SLC4A4: variants seen among roughly 807,000 people sequenced by gnomAD.
SLC4A4 encodes the protein electrogenic sodium bicarbonate cotransporter 1.
A neutral mutation model predicts 111.5 loss-of-function variants in SLC4A4; 27 were observed. That is an observed-to-expected ratio of 0.24 (90% CI 0.18 to 0.33). The LOEUF (loss-of-function observed/expected upper bound fraction) is 0.33, where lower values mean the gene tolerates loss of function less well. Ranked by LOEUF, SLC4A4 falls within the 10% of genes least tolerant of loss-of-function variation. SLC4A4 has a pLI of 1.00. For missense variants in SLC4A4, 909 were observed against 1,315.5 expected (o/e 0.69, Z 4.78); for synonymous variants, 443 against 463.4 (o/e 0.96, Z 0.57).
At chr4:71,507,550 A>G (rs1349528487) in intron 16 of SLC4A4, among the ~76,000 whole-genome samples, 1 of 152,212 alleles carries the variant, frequency 6.6e-6, no homozygotes, top group African/African-American at 2.4e-5. Flanking sequence ...TAACTATCCT[A>G]AATAGAAATG....
At chr4:71,457,285 C>A (rs1429727358) in intron 12 of SLC4A4, among the ~76,000 whole-genome samples, 1 of 152,152 alleles carries the variant, frequency 6.6e-6, no homozygotes, top group Non-Finnish European at 1.5e-5. Context: ...GCTACAGTGA[C>A]TCTAAGTACA....
Position 71,555,227 on chromosome 4 carries a change from A to C in SLC4A4, c.2763+19A>C. The C allele has an allele frequency of 1.3e-6, 2 of 1,506,086 alleles. No individual in the cohort carries two copies. Among genetic ancestry groups the C allele is most frequent in the Non-Finnish European group, 1.8e-6 (2 of 1,082,100 alleles). The allele number at this position is 1,506,086 out of a possible 1,614,324, so 93.3% of individuals were successfully genotyped here. Reference sequence around the variant, plus strand: ...TGTGCAGGTAAGTTTTTGAATAGCAATGTAAGTACAGTAGTGTTTTTCTAG... The same window carrying C: ...TGTGCAGGTAAGTTTTTGAATAGCACTGTAAGTACAGTAGTGTTTTTCTAG... On this transcript the variant is annotated intron_variant, in intron 21 of 25. Coordinates refer to ENST00000264485, the MANE Select transcript of SLC4A4 (RefSeq NM_001098484.3).
Position 71,291,563 on chromosome 4 carries a change from C to T in SLC4A4, c.253+36164C>T, listed in dbSNP as rs191394451. On this transcript the variant is annotated intron_variant, in intron 3 of 25. Transcript: ENST00000264485. ...CCAGCAATCCTCTCGTCTCAGCCTCCCGATTAGCAAGGACTACAGGCATAC... is the reference window on the plus strand; with the variant it reads ...CCAGCAATCCTCTCGTCTCAGCCTCTCGATTAGCAAGGACTACAGGCATAC... Among the ~76,000 whole-genome samples, 1,056 of 152,092 alleles carry T rather than the reference C, an allele frequency of 6.9e-3. 6 individuals carry two copies. The highest frequency in any genetic ancestry group is 9.1e-3 in the Non-Finnish European group (621 of 67,998).
At chr4:71,434,146 A>T (rs1408172821) in intron 7 of SLC4A4, among the ~76,000 whole-genome samples, 1 of 152,018 alleles carries the variant, frequency 6.6e-6, no homozygotes, top group Non-Finnish European at 1.5e-5. Context: ...TGGAGTTGGG[A>T]TGTACTCAAC....
chr4:71,519,665 C>T (rs1371588740), intron 16 of SLC4A4, among the ~76,000 whole-genome samples: 5 of 151,976 alleles, frequency 3.3e-5, no homozygotes, highest in Non-Finnish European at 5.9e-5. Context: ...GACAGAGTCT[C>T]GCTCTGTTGC....
At chr4:71,129,233 T>A (rs921750157) in intron 2 of SLC4A4, among the ~76,000 whole-genome samples, 1 of 151,988 alleles carries the variant, frequency 6.6e-6, no homozygotes, top group Non-Finnish European at 1.5e-5. Flanking sequence ...AGGTCTAACA[T>A]CCAGAATCTG....
chr4:71,106,607 G>C (rs1244981857), intron 2 of SLC4A4, among the ~76,000 whole-genome samples: 1 of 145,886 alleles, frequency 6.9e-6, no homozygotes, highest in Non-Finnish European at 1.5e-5. Flanking sequence ...AAAATGATGA[G>C]TTCATGTCCT....
chr4:71,339,190 G>A, intron 3 of SLC4A4, 180 bp from the exon 4 acceptor site: 2 of 1,614,058 alleles, frequency 1.2e-6, no homozygotes, highest in South Asian at 2.2e-5. Context: ...AAGGAATAGA[G>A]AAGGGCTTTG....
At chr4:71,108,116 G>T (rs1742994387) in intron 2 of SLC4A4, among the ~76,000 whole-genome samples, 1 of 152,136 alleles carries the variant, frequency 6.6e-6, no homozygotes, top group African/African-American at 2.4e-5. Context: ...TTTACAGTGT[G>T]TGTCCCAAAA....
chr4:71,301,150 G>T, intron 3 of SLC4A4: 1 of 333,040 alleles, frequency 3.0e-6, no homozygotes, highest in South Asian at 2.7e-5. Flanking sequence ...CACCACACGT[G>T]GCAGTAGATA....
At chr4:71,355,759 G>A (rs937063468) in intron 5 of SLC4A4, among the ~76,000 whole-genome samples, 3 of 152,202 alleles carry the variant, frequency 2.0e-5, no homozygotes, top group South Asian at 2.1e-4. Context: ...AGCAAAACCC[G>A]TTGAACATCT....
At chr4:71,198,362 AG>A (rs1746101101) in intron 1 of SLC4A4, among the ~76,000 whole-genome samples, 1 of 152,196 alleles carries the variant, frequency 6.6e-6, no homozygotes, top group Admixed American at 6.5e-5. Flanking sequence ...ATCTCTTAAT[AG>A]GAATATTTAA....
At chr4:71,533,396 G>T (rs575366842) in intron 17 of SLC4A4, among the ~76,000 whole-genome samples, 6 of 152,090 alleles carry the variant, frequency 3.9e-5, no homozygotes, top group Non-Finnish European at 8.8e-5. Context: ...ACAGATGATG[G>T]GAATGTCCTC....
chr4:71,198,401 A>G (rs890835222), intron 1 of SLC4A4, among the ~76,000 whole-genome samples: 1 of 152,210 alleles, frequency 6.6e-6, no homozygotes, highest in Admixed American at 6.5e-5. Context: ...TTGTCCATGT[A>G]TCTGAACTTT....
At position 71,557,824 on chromosome 4, in the gene SLC4A4, T is replaced by C; in HGVS notation, c.2876T>C (p.Leu959Ser). 1 of 1,612,680 alleles carries C rather than the reference T, an allele frequency of 6.2e-7. No homozygotes were observed. Among genetic ancestry groups the C allele is most frequent in the African/African-American group, 1.3e-5 (1 of 74,934 alleles). ...CACCTGTTCACTTTCCTGCAGGTGT[T>C]GTGTCTGGCCCTGCTTTGGATCCTC... is the stretch of plus-strand genomic sequence containing the variant. Reference protein sequence around the residue: ...RVHLFTFLQVLCLALLWILKS... With the variant: ...RVHLFTFLQVSCLALLWILKS... Residue 959 changes from leucine to serine, a missense_variant, in exon 22 of 26, where the codon TTG becomes TCG. By Grantham distance (145) the Leu-to-Ser change is moderately radical. Coordinates refer to ENST00000264485, the MANE Select transcript of SLC4A4 (RefSeq NM_001098484.3).
chr4:71,106,395 C>A (rs946235075), intron 2 of SLC4A4, among the ~76,000 whole-genome samples: 43 of 150,022 alleles, frequency 2.9e-4, no homozygotes, highest in African/African-American at 8.1e-4. Flanking sequence ...ACTAGAAATA[C>A]CATTTGAGCC....
At position 71,523,508 on chromosome 4, in the gene SLC4A4, G is replaced by T. The variant is rs576827674; in HGVS notation, c.2167-8554G>T. On this transcript the variant is annotated intron_variant, in intron 16 of 25. Coordinates refer to ENST00000264485, the MANE Select transcript of SLC4A4 (RefSeq NM_001098484.3). ...CTGAATTGAGCCCCAAGAAAAATAGGTTGGGAGCAGTGATTGGCCAAAACA... is the reference window on the plus strand; with the variant it reads ...CTGAATTGAGCCCCAAGAAAAATAGTTTGGGAGCAGTGATTGGCCAAAACA... Among the ~76,000 whole-genome samples, 30 of 152,218 alleles carry T rather than the reference G, an allele frequency of 2.0e-4. No individual in the cohort carries two copies. In the East Asian group the frequency reaches 3.9e-3, roughly 20 times the overall value.
At chr4:71,143,479 G>A (rs960454995) in intron 2 of SLC4A4, among the ~76,000 whole-genome samples, 6 of 152,142 alleles carry the variant, frequency 3.9e-5, no homozygotes, top group Non-Finnish European at 7.3e-5. Context: ...TGGGATTGCT[G>A]GGTCAAATGG....
At chr4:71,516,090 T>C (rs1170550854) in intron 16 of SLC4A4, among the ~76,000 whole-genome samples, 4 of 75,370 alleles carry the variant, frequency 5.3e-5, no homozygotes, top group African/African-American at 2.2e-4. Context: ...CTTTTTTTTT[T>C]TTTTTTTTTT....
Sources: gnomAD v4.1 joint callset for allele counts (sites outside exome capture counted in the v4.1 genomes callset) on GRCh38, gnomAD v4.1.1 for gene constraint, MANE v1.5 for transcripts, NCBI Gene and HGNC (gene_info 2026-07-23, HGNC 2026-07-21) for gene names.